ATAD2B: variants seen among roughly 807,000 people sequenced by gnomAD.
ATAD2B encodes the protein ATPase family AAA domain containing 2B, also known as ATPase family AAA domain-containing protein 2B.
A neutral mutation model predicts 167.6 loss-of-function variants in ATAD2B; 40 were observed. The ratio of observed to expected loss-of-function variants is 0.24; its 90% CI spans 0.19 to 0.31. The LOEUF (loss-of-function observed/expected upper bound fraction) is 0.31. ATAD2B is among the 10% of genes least tolerant of loss of function. The pLI, the probability that ATAD2B is intolerant of heterozygous loss-of-function variation, is 1.00. For missense variants in ATAD2B, 1,242 were observed against 1,757.2 expected, an observed-to-expected ratio of 0.71 and a Z score of 5.24; for synonymous variants, 579 against 596.5, an observed-to-expected ratio of 0.97 and a Z score of 0.43.
chr2:23,738,416 T>C, the ATAD2B span, among the ~76,000 whole-genome samples: 1 of 152,290 alleles, frequency 6.6e-6, no homozygotes, highest in East Asian at 1.9e-4. Flanking sequence ...AAGAAAAGAA[T>C]TTTCAACCCA....
chr2:23,730,291 A>C, the ATAD2B span, among the ~76,000 whole-genome samples: 1 of 152,238 alleles, frequency 6.6e-6, no homozygotes, highest in Non-Finnish European at 1.5e-5. Context: ...AAATTAAACA[A>C]TACACATCTA....
intron 1 of ATAD2B, among the ~76,000 whole-genome samples, chr2:23,921,138 G>C (rs545239413): frequency 6.9e-6 from 1 of 143,968 alleles, no homozygotes; most frequent in Non-Finnish European, 1.5e-5. Flanking sequence ...CCTGGGAAGC[G>C]GAGGTTGCAG....
At chr2:23,738,694 T>A in the ATAD2B span, among the ~76,000 whole-genome samples, 6 of 151,872 alleles carry the variant, frequency 4.0e-5, no homozygotes, top group African/African-American at 1.5e-4. Flanking sequence ...AATTCACACA[T>A]AACAATATTA....
chr2:23,754,319 C>T lies in ATAD2B; in HGVS notation c.4207-12G>A. The T allele has an allele frequency of 6.5e-7, 1 of 1,537,506 alleles. No individual in the cohort carries two copies. The highest frequency in any genetic ancestry group is 8.7e-7 in the Non-Finnish European group (1 of 1,143,610). On this transcript the variant is annotated splice_polypyrimidine_tract_variant and intron_variant, in intron 26 of 27. Coordinates refer to ENST00000238789, the MANE Select transcript of ATAD2B (RefSeq NM_017552.4). ...AAATCAAGCAATTTCTAAGAAAAAA[C>T]AGAAAAGAATAAAATGTAATTTGAT...
chr2:23,789,637 T>A (rs1572757602), intron 19 of ATAD2B, among the ~76,000 whole-genome samples: 1 of 152,180 alleles, frequency 6.6e-6, no homozygotes, highest in Non-Finnish European at 1.5e-5. Context: ...ATCAAAGACA[T>A]CATATTCCTG....
the ATAD2B span, among the ~76,000 whole-genome samples, chr2:23,719,051 A>G: frequency 6.6e-6 from 1 of 152,246 alleles, no homozygotes; most frequent in Admixed American, 6.5e-5. Context: ...GGATTCGGCC[A>G]TGGACATCTT....
the ATAD2B span, among the ~76,000 whole-genome samples, chr2:23,737,190 G>C: frequency 6.6e-6 from 1 of 152,224 alleles, no homozygotes; most frequent in Non-Finnish European, 1.5e-5. Flanking sequence ...TGACACCTTT[G>C]AAGAGAGTAG....
intron 7 of ATAD2B, among the ~76,000 whole-genome samples, chr2:23,878,659 A>C (rs564924962): frequency 7.4e-4 from 112 of 152,146 alleles, no homozygotes; most frequent in African/African-American, 2.7e-3. Flanking sequence ...ACTCCATCTC[A>C]AAATAAATAA....
At chr2:23,742,751 G>A in the ATAD2B span, among the ~76,000 whole-genome samples, 1 of 151,464 alleles carries the variant, frequency 6.6e-6, no homozygotes, top group Non-Finnish European at 1.5e-5. Context: ...AAAAAATCAA[G>A]AGAACTCCAA....
the ATAD2B span, among the ~76,000 whole-genome samples, chr2:23,701,391 A>G: frequency 6.6e-6 from 1 of 152,142 alleles, no homozygotes; most frequent in Non-Finnish European, 1.5e-5. Flanking sequence ...CTAGATGCCA[A>G]ATTTGATCAC....
intron 22 of ATAD2B, among the ~76,000 whole-genome samples, chr2:23,771,522 CT>C (rs772401059): frequency 1.1e-4 from 17 of 152,186 alleles, no homozygotes; most frequent in Non-Finnish European, 1.9e-4. Context: ...CAAAAACAGG[CT>C]GTCAGCTTGA....
At chr2:23,863,327 A>G in intron 12 of ATAD2B, 54 bp downstream of exon 12, 2 of 1,499,712 alleles carry the variant, frequency 1.3e-6, no homozygotes, top group Admixed American at 4.9e-5. Context: ...AAACAAAGAA[A>G]GAAAAGAACA....
chr2:23,843,419 A>G (rs963384859), intron 13 of ATAD2B, among the ~76,000 whole-genome samples: 3 of 152,268 alleles, frequency 2.0e-5, no homozygotes, highest in African/African-American at 7.2e-5. Context: ...AAAGATACAG[A>G]GCAAGATACT....
intron 14 of ATAD2B, among the ~76,000 whole-genome samples, chr2:23,831,286 A>G (rs1252722936): frequency 6.6e-6 from 1 of 152,206 alleles, no homozygotes; most frequent in Non-Finnish European, 1.5e-5. Flanking sequence ...GGAAAATAAA[A>G]GAAATTAAAA....
At chr2:23,863,619 A>T (rs1573107531) in intron 11 of ATAD2B, 64 bp from the exon 12 acceptor site, 5 of 1,366,844 alleles carry the variant, frequency 3.7e-6, no homozygotes, top group Non-Finnish European at 2.0e-6. Flanking sequence ...AACCAATTTT[A>T]AAAAATGTCC....
chr2:23,689,285 C>G, the ATAD2B span: 1 of 152,284 alleles, frequency 6.6e-6, no homozygotes, highest in African/African-American at 2.4e-5. Flanking sequence ...GGCCAGGGGT[C>G]CTCCTCAGTC....
rs759361436 is a variant in ATAD2B, at chr2:23,757,664, C to G, written c.3832G>C (p.Glu1278Gln). The G allele has an allele frequency of 1.9e-6, 3 of 1,613,804 alleles. No homozygotes were observed. The South Asian group carries it at 3.3e-5, about 18-fold the overall frequency. The change falls in exon 25 of 28, where the codon GAA becomes CAA. Residue 1278 changes from glutamate (E) to glutamine (Q), a missense_variant. Around this residue, in one of 9 missense-constraint regions of ATAD2B, gnomAD observed 282 missense variants for 346.8 expected, o/e 0.81. Coordinates refer to ENST00000238789, the MANE Select transcript of ATAD2B (RefSeq NM_017552.4). Reference sequence around the variant, plus strand: ...TGACATTCCAGAACTGGTATTCCTTCAAAACTGTCAGTGGAAGCCTCACCA... The same window carrying G: ...TGACATTCCAGAACTGGTATTCCTTGAAAACTGTCAGTGGAAGCCTCACCA... ...LNGEASTDSF[E>Q]GIPVLECQNG...
In ATAD2B at chr2:23,926,698, C is replaced by T; in HGVS notation, c.73G>A (p.Ala25Thr). The change falls in exon 1 of 28, where the codon GCC becomes ACC. Residue 25 changes from alanine (A) to threonine (T), a missense_variant. Ala to Thr is a moderately conservative substitution (Grantham distance 58). Coordinates refer to ENST00000238789, the MANE Select transcript of ATAD2B (RefSeq NM_017552.4). ...KSPGPGPGPG[A>T]GAEPGATGGS... ...CCGGTCGCCCCAGGCTCTGCTCCGG[C>T]CCCAGGCCCAGGCCCGGGACCAGGA... The T allele has an allele frequency of 1.3e-6, 2 of 1,551,480 alleles. No homozygotes were observed. The highest frequency in any genetic ancestry group is 1.2e-5 in the South Asian group (1 of 84,184).
At position 23,911,517 on chromosome 2, in the gene ATAD2B, T is replaced by C. The variant is rs574737345; in HGVS notation, c.216+15038A>G. Among the ~76,000 whole-genome samples, 171 of 151,720 alleles carry C rather than the reference T, an allele frequency of 1.1e-3. 1 individual carries two copies. The highest frequency in any genetic ancestry group is 4.0e-3 in the African/African-American group (167 of 41,336). Reference sequence around the variant, plus strand: ...CTGCAGTGAGCCTTGATCGTGCCTCTTCACTCCAGCCTGGATGACAGGGTG... The same window carrying C: ...CTGCAGTGAGCCTTGATCGTGCCTCCTCACTCCAGCCTGGATGACAGGGTG... On this transcript the variant is annotated intron_variant, in intron 1 of 27. Transcript: ENST00000238789.
Sources: gnomAD v4.1 joint callset for allele counts (sites outside exome capture counted in the v4.1 genomes callset) on GRCh38, gnomAD v4.1.1 for gene constraint, gnomAD v4.1.1 regional missense constraint, MANE v1.5 for transcripts, NCBI Gene and HGNC (gene_info 2026-07-23, HGNC 2026-07-21) for gene names.